Variants in CSGALNACT1 observed in about 807,000 individuals in gnomAD.
The protein encoded by CSGALNACT1 is beta4GalNAcT-1.
In CSGALNACT1, 52 loss-of-function variants were observed where a neutral mutation model predicts 51.0. The observed-to-expected ratio is 1.02, with a 90% CI of 0.82 to 1.29. The LOEUF (loss-of-function observed/expected upper bound fraction) is 1.29, where lower values mean the gene tolerates loss of function less well. Among genes scored for constraint, CSGALNACT1 ranks in the 50% most tolerant of loss-of-function variants. The pLI is 0.00. For missense variants in CSGALNACT1, 935 were observed against 679.2 expected (o/e 1.38, Z -4.19); for synonymous variants, 341 against 254.4 (o/e 1.34, Z -3.24).
In CSGALNACT1 at chr8:19,736,506, G is replaced by C. The variant is rs1233266316; in HGVS notation, c.-297+21344C>G. ...TGCTTGGGACTGAGAAAGTCATTAG[G>C]TCCCAAAACCAAAAAAAAAAAAAAT... On this transcript the variant is annotated intron_variant, in intron 1 of 1. Coordinates refer to the CSGALNACT1 transcript ENST00000517494. Among the ~76,000 whole-genome samples the C allele has an allele frequency of 2.1e-5, 3 of 140,536 alleles. No individual in the cohort carries two copies. In the Admixed American group the frequency reaches 2.2e-4, roughly 10 times the overall value. 92.2% of individuals were successfully genotyped at this position (140,536 alleles called of 152,430 possible). A position where few individuals can be genotyped will look rare whatever the true frequency, so the allele number is the denominator to read the frequency against.
At chr8:19,655,085 G>A (rs2058141111) in intron 1 of CSGALNACT1, among the ~76,000 whole-genome samples, 1 of 152,086 alleles carries the variant, frequency 6.6e-6, no homozygotes, top group Non-Finnish European at 1.5e-5. Flanking sequence ...AGTCATTTTT[G>A]TAGAACACCA....
chr8:19,487,184 C>T (rs1361014388), intron 4 of CSGALNACT1, among the ~76,000 whole-genome samples: 5 of 152,202 alleles, frequency 3.3e-5, no homozygotes, highest in Non-Finnish European at 5.9e-5. Context: ...AACATTTACT[C>T]ACATTCTGCT....
Position 19,413,488 on chromosome 8 carries a change from G to C in CSGALNACT1, c.1228-4794C>G, listed in dbSNP as rs530209515. Among the ~76,000 whole-genome samples the C allele has an allele frequency of 9.9e-4, 151 of 152,310 alleles. 1 individual carries two copies. The highest frequency in any genetic ancestry group is 3.5e-3 in the African/African-American group (146 of 41,568). ...CTGGCTTCTGGAAAGGCTCCATAAA[G>C]GGCCTCTGTTCACATTAATTTTGGT... On this transcript the variant is annotated intron_variant, in intron 8 of 9. Coordinates refer to ENST00000454498, the Ensembl canonical transcript of CSGALNACT1.
At chr8:19,572,280 G>A (rs1323392995) in intron 3 of CSGALNACT1, among the ~76,000 whole-genome samples, 2 of 152,162 alleles carry the variant, frequency 1.3e-5, no homozygotes, top group Non-Finnish European at 2.9e-5. Context: ...TAGATGAAAA[G>A]AATGAAAATG....
intron 1 of CSGALNACT1, among the ~76,000 whole-genome samples, chr8:19,635,180 G>A (rs2055865682): frequency 6.6e-6 from 1 of 152,198 alleles, no homozygotes; most frequent in South Asian, 2.1e-4. Flanking sequence ...ACCAGGAGGA[G>A]AGGGAGGGAG....
intron 3 of CSGALNACT1, among the ~76,000 whole-genome samples, chr8:19,526,473 C>G (rs955889672): frequency 2.6e-5 from 4 of 152,144 alleles, no homozygotes; most frequent in African/African-American, 9.7e-5. Context: ...GTGCCAGCTA[C>G]TCGGGAGACC....
intron 1 of CSGALNACT1, among the ~76,000 whole-genome samples, chr8:19,753,898 T>A (rs942200412): frequency 1.3e-5 from 2 of 152,228 alleles, no homozygotes; most frequent in Non-Finnish European, 2.9e-5. Flanking sequence ...CAATAAATAT[T>A]CTCAAGCTCG....
At chr8:19,704,043 TG>T (rs1220406947) in intron 1 of CSGALNACT1, among the ~76,000 whole-genome samples, 13 of 152,202 alleles carry the variant, frequency 8.5e-5, no homozygotes, top group African/African-American at 3.1e-4. Flanking sequence ...ACACTGCACA[TG>T]GGAGATCTTA....
intron 1 of CSGALNACT1, among the ~76,000 whole-genome samples, chr8:19,609,827 T>C (rs749684527): frequency 4.6e-5 from 7 of 152,196 alleles, no homozygotes; most frequent in Non-Finnish European, 1.0e-4. Flanking sequence ...CGTGAGTTTA[T>C]TGTGTATTAA....
intron 1 of CSGALNACT1, among the ~76,000 whole-genome samples, chr8:19,695,812 C>T (rs1056210467): frequency 2.0e-5 from 3 of 152,052 alleles, no homozygotes; most frequent in Non-Finnish European, 2.9e-5. Context: ...TCTCCTTCAG[C>T]GCAGGAGATT....
At chr8:19,605,194 A>T (rs534407701), upstream of CSGALNACT1, among the ~76,000 whole-genome samples, 1 of 152,360 alleles carries the variant, frequency 6.6e-6, no homozygotes, top group East Asian at 1.9e-4. Flanking sequence ...TGCTTTGCCC[A>T]ATTCAGACAG....
intron 9 of CSGALNACT1, among the ~76,000 whole-genome samples, chr8:19,406,379 A>C (rs2153658924): frequency 6.6e-6 from 1 of 152,202 alleles, no homozygotes; most frequent in Non-Finnish European, 1.5e-5. Flanking sequence ...GTTAATGGGT[A>C]CAAAAATAAG....
At chr8:19,655,996 G>C (rs932390112) in intron 1 of CSGALNACT1, among the ~76,000 whole-genome samples, 2 of 152,122 alleles carry the variant, frequency 1.3e-5, no homozygotes, top group Non-Finnish European at 2.9e-5. Context: ...GAGTATTTCA[G>C]TTAAACTTTG....
intron 3 of CSGALNACT1, among the ~76,000 whole-genome samples, chr8:19,514,477 ATATATATAT>A: frequency 1.7e-5 from 1 of 58,162 alleles, no homozygotes; most frequent in South Asian, 6.2e-4. Flanking sequence ...AACAGAGACT[ATATATATAT>A]ATATATATAT....
intron 3 of CSGALNACT1, among the ~76,000 whole-genome samples, chr8:19,560,788 G>A: frequency 6.6e-6 from 1 of 152,208 alleles, no homozygotes; most frequent in East Asian, 1.9e-4. Context: ...CCAGGAGCCA[G>A]CAATTCCACT....
Position 19,457,405 on chromosome 8 carries a change from G to C in CSGALNACT1, c.851+1021C>G, listed in dbSNP as rs1231363177. The C allele has an allele frequency of 8.5e-6, 3 of 354,940 alleles. No homozygotes were observed. In the Admixed American group the frequency reaches 1.1e-4, roughly 13 times the overall value. 22.0% of individuals were successfully genotyped at this position (354,940 alleles called of 1,614,324 possible). A position where few individuals can be genotyped will look rare whatever the true frequency, so the allele number is the denominator to read the frequency against. ...AGGTGAGCAGATCACCTGAGATCAG[G>C]AGTTCAAGACTAGCCCGGCCAAAAT... On this transcript the variant is annotated intron_variant, in intron 5 of 9. Coordinates refer to ENST00000454498, the Ensembl canonical transcript of CSGALNACT1.
intron 6 of CSGALNACT1, among the ~76,000 whole-genome samples, chr8:19,434,831 T>C (rs1192321387): frequency 2.0e-5 from 3 of 151,920 alleles, no homozygotes; most frequent in Non-Finnish European, 2.9e-5. Context: ...CTAAAAATCC[T>C]TGTTTAAGAA....
chr8:19,716,610 T>C (rs75675905), intron 1 of CSGALNACT1, among the ~76,000 whole-genome samples: 3 of 5,808 alleles, frequency 5.2e-4, no homozygotes, highest in African/African-American at 1.7e-3. Context: ...AAACCCTCTC[T>C]ACAAAAAAAA....
At chr8:19,585,943 T>C (rs1039075552) in intron 3 of CSGALNACT1, among the ~76,000 whole-genome samples, 16 of 152,324 alleles carry the variant, frequency 1.1e-4, no homozygotes, top group Middle Eastern at 6.8e-3. Flanking sequence ...ACTGTGCCGA[T>C]GCCCAGGCTG....
Sources: allele counts gnomAD v4.1 joint callset (sites outside exome capture counted in the v4.1 genomes callset), GRCh38; gene constraint gnomAD v4.1.1; transcripts MANE v1.5; gene names NCBI Gene and HGNC (gene_info 2026-07-23, HGNC 2026-07-21).